Variants in SNTG1 observed in about 807,000 individuals in gnomAD.
SNTG1 encodes syntrophin gamma 1.
In SNTG1, 39 loss-of-function variants were observed where a neutral mutation model predicts 74.7. The observed-to-expected ratio is 0.52, with a 90% confidence interval of 0.40 to 0.68. SNTG1 has a LOEUF of 0.68. Among genes scored for constraint, SNTG1 ranks in the 30% least tolerant of loss-of-function variants. The pLI is 0.00. For synonymous variants in SNTG1, 254 were observed against 217.1 expected, an observed-to-expected ratio of 1.17 and a Z score of -1.49; for missense variants, 685 against 609.5, an observed-to-expected ratio of 1.12 and a Z score of -1.30.
chr8:50,522,875 C>T (rs1269300676), intron 9 of SNTG1, among the ~76,000 whole-genome samples: 1 of 152,158 alleles, frequency 6.6e-6, no homozygotes, highest in Non-Finnish European at 1.5e-5. Context: ...CTGTACCTGG[C>T]TTGACTTCCT....
At position 50,795,718 on chromosome 8, in the gene SNTG1, T is replaced by C. The variant is rs1215644375; in HGVS notation, c.*2889T>C. 2 of 152,132 alleles carry C rather than the reference T, an allele frequency of 1.3e-5. No homozygotes were observed. The highest frequency in any genetic ancestry group is 4.8e-5 in the African/African-American group (2 of 41,452). The allele number at this position is 152,132 out of a possible 1,614,324, so 9.4% of individuals were successfully genotyped here. A position where few individuals can be genotyped will look rare whatever the true frequency, so the allele number is the denominator to read the frequency against. Reference sequence around the variant, plus strand: ...TGAAAACTGCTAACTACTATAATAATGTCTTTTGCCTGATAAAGAATAACA... The same window carrying C: ...TGAAAACTGCTAACTACTATAATAACGTCTTTTGCCTGATAAAGAATAACA... On this transcript the variant is annotated 3_prime_UTR_variant, in exon 19 of 19. Transcript: ENST00000642720.
chr8:50,167,334 A>T (rs1436920886), intron 1 of SNTG1, among the ~76,000 whole-genome samples: 13 of 131,724 alleles, frequency 9.9e-5, no homozygotes, highest in Admixed American at 4.3e-4. Context: ...AAAATAAAAT[A>T]AAAAAAAAAA....
At chr8:49,926,459 C>A (rs1807039411) in intron 1 of SNTG1, among the ~76,000 whole-genome samples, 1 of 152,016 alleles carries the variant, frequency 6.6e-6, no homozygotes, top group South Asian at 2.1e-4. Context: ...TATATCAATA[C>A]AATTTAATTA....
chr8:50,553,654 G>A (rs564049270), intron 12 of SNTG1, among the ~76,000 whole-genome samples: 16 of 152,250 alleles, frequency 1.1e-4, no homozygotes, highest in African/African-American at 3.6e-4. Context: ...TGTATTATTA[G>A]AAATGGCTTC....
At chr8:50,225,975 A>G (rs990791997) in intron 2 of SNTG1, among the ~76,000 whole-genome samples, 1 of 152,216 alleles carries the variant, frequency 6.6e-6, no homozygotes, top group African/African-American at 2.4e-5. Context: ...TTATGTACAC[A>G]TATAGGACTA....
intron 8 of SNTG1, among the ~76,000 whole-genome samples, chr8:50,487,700 G>GT (rs3036644): frequency 2.0e-5 from 3 of 146,530 alleles, no homozygotes; most frequent in Non-Finnish European, 4.5e-5. Flanking sequence ...GGTCGGAGGG[G>GT]GGGGAGGGAT....
chr8:50,092,398 T>G (rs965504155), intron 1 of SNTG1, among the ~76,000 whole-genome samples: 11 of 152,152 alleles, frequency 7.2e-5, no homozygotes, highest in Non-Finnish European at 1.6e-4. Flanking sequence ...TTCCGTACTC[T>G]GAAGTCTACA....
chr8:50,242,412 C>A (rs1270720377), intron 2 of SNTG1, among the ~76,000 whole-genome samples: 1 of 151,246 alleles, frequency 6.6e-6, no homozygotes, highest in African/African-American at 2.4e-5. Context: ...CCTGTAATCC[C>A]AGCTACTTAG....
chr8:50,502,689 G>T (rs898090845), intron 8 of SNTG1, 89 bp from the exon 9 acceptor site: 1 of 1,067,354 alleles, frequency 9.4e-7, no homozygotes, highest in Admixed American at 2.4e-5. Flanking sequence ...AATGGAAGGT[G>T]GAAGAAACAA....
At chr8:50,076,824 A>C (rs2131046320) in intron 1 of SNTG1, among the ~76,000 whole-genome samples, 1 of 152,330 alleles carries the variant, frequency 6.6e-6, no homozygotes, top group Admixed American at 6.5e-5. Context: ...AGAAGTTTAA[A>C]TGAGTGGTAA....
intron 1 of SNTG1, among the ~76,000 whole-genome samples, chr8:49,917,034 A>T (rs1391286042): frequency 2.5e-5 from 2 of 78,504 alleles, no homozygotes; most frequent in African/African-American, 5.6e-5. Context: ...TATATATATT[A>T]AAAATAATAA....
intron 9 of SNTG1, among the ~76,000 whole-genome samples, chr8:50,522,432 A>T (rs77780200): frequency 0.018 from 2,699 of 152,232 alleles, 95 homozygotes; most frequent in African/African-American, 0.062. Context: ...GCACAGGCAG[A>T]GTAGATTCAC....
intron 1 of SNTG1, among the ~76,000 whole-genome samples, chr8:49,960,985 T>A (rs1810632018): frequency 6.6e-6 from 1 of 152,210 alleles, no homozygotes; most frequent in Non-Finnish European, 1.5e-5. Context: ...TAGGAAAATG[T>A]GCTTTTATTG....
chr8:50,714,939 A>C (rs1453657076), intron 17 of SNTG1, among the ~76,000 whole-genome samples: 1 of 152,182 alleles, frequency 6.6e-6, no homozygotes, highest in East Asian at 1.9e-4. Flanking sequence ...AACCAAAACC[A>C]AAAACAACAA....
chr8:50,462,794 CTCTTTTTTTTTTTT>C lies in SNTG1; in HGVS notation c.363+12067_363+12080del, dbSNP rs1261246420. 1.1e-3 allele frequency among the ~76,000 whole-genome samples: 48 copies of C among 43,626 alleles called. 7 individuals are homozygous for C. Among genetic ancestry groups the C allele is most frequent in the Admixed American group, 8.2e-3 (28 of 3,406 alleles). The allele number at this position is 43,626 out of a possible 152,430, so 28.6% of individuals were successfully genotyped here. ...AACTCAGTCGCATCTTCAGGTTCTA[CTCTTTTTTTTTTTT>C]TTTTTTTTTTTTTTTTTTTTTTTTT... On this transcript the variant is annotated intron_variant, in intron 8 of 18. Coordinates refer to ENST00000642720, the MANE Select transcript of SNTG1 (RefSeq NM_018967.5).
intron 17 of SNTG1, among the ~76,000 whole-genome samples, chr8:50,751,152 G>A (rs528605985): frequency 3.9e-5 from 6 of 152,074 alleles, no homozygotes; most frequent in Non-Finnish European, 7.4e-5. Flanking sequence ...TATTTAATGA[G>A]ATAAAGGTAT....
At chr8:50,271,135 T>A (rs1171299988) in intron 2 of SNTG1, among the ~76,000 whole-genome samples, 1 of 152,142 alleles carries the variant, frequency 6.6e-6, no homozygotes, top group Non-Finnish European at 1.5e-5. Context: ...CTGGCAAACG[T>A]GATTAAGGGA....
intron 9 of SNTG1, among the ~76,000 whole-genome samples, chr8:50,510,749 A>C (rs1377838598): frequency 6.6e-6 from 1 of 151,928 alleles, no homozygotes; most frequent in African/African-American, 2.4e-5. Context: ...TTTCTGTGGG[A>C]TCGGTGGTGA....
intron 1 of SNTG1, among the ~76,000 whole-genome samples, chr8:49,989,826 A>G (rs1387172008): frequency 6.6e-6 from 1 of 152,056 alleles, no homozygotes; most frequent in East Asian, 1.9e-4. Flanking sequence ...ATATTGATAC[A>G]GTAATAAAGA....
Sources: allele counts gnomAD v4.1 joint callset (sites outside exome capture counted in the v4.1 genomes callset), GRCh38; gene constraint gnomAD v4.1.1; transcripts MANE v1.5; gene names NCBI Gene and HGNC (gene_info 2026-07-23, HGNC 2026-07-21).